ATP9B: variants seen among roughly 807,000 people sequenced by gnomAD.
ATP9B encodes ATPase phospholipid transporting 9B, also known as probable phospholipid-transporting ATPase IIB.
Under a neutral mutation model 146.1 loss-of-function variants are expected in ATP9B, and 110 were observed. The observed-to-expected ratio is 0.75, with a 90% CI of 0.65 to 0.88. ATP9B has a LOEUF of 0.88. Among genes scored for constraint, ATP9B ranks in the 40% least tolerant of loss-of-function variants. The pLI is 0.00. For missense variants in ATP9B, 1,499 were observed against 1,496.4 expected (o/e 1.00, Z -0.03); for synonymous variants, 604 against 569.7 (o/e 1.06, Z -0.86).
chr18:79,228,617 C>A (rs967740483), intron 11 of ATP9B, among the ~76,000 whole-genome samples: 1 of 152,144 alleles, frequency 6.6e-6, no homozygotes, highest in Non-Finnish European at 1.5e-5. Flanking sequence ...ATATTTTGCA[C>A]GTAGTAAATA....
At position 79,366,833 on chromosome 18, in the gene ATP9B, T is replaced by C. The variant is rs551375531; in HGVS notation, c.3013-5992T>C. ...GGGAAATACAAGATGAGCCTGAAAC[T>C]TCTTGTGGAGCAAAAAAGTAAGGAA... On this transcript the variant is annotated intron_variant, in intron 26 of 29. Coordinates refer to ENST00000426216, the MANE Select transcript of ATP9B (RefSeq NM_198531.5). Among the ~76,000 whole-genome samples, 7 of 152,322 alleles carry C rather than the reference T, an allele frequency of 4.6e-5. No individual in the cohort carries two copies. In the South Asian group the frequency reaches 1.5e-3, roughly 32 times the overall value.
intron 11 of ATP9B, among the ~76,000 whole-genome samples, chr18:79,227,883 G>C (rs1046011330): frequency 6.6e-6 from 1 of 152,224 alleles, no homozygotes; most frequent in African/African-American, 2.4e-5. Context: ...ACTGTGTTGA[G>C]AAAGCAGGAC....
intron 6 of ATP9B, among the ~76,000 whole-genome samples, chr18:79,154,129 ATT>A (rs35469027): frequency 3.2e-4 from 46 of 144,060 alleles, no homozygotes; most frequent in South Asian, 6.7e-4. Context: ...AATTTTTTGC[ATT>A]TTTTTTTTTT....
rs769155077 is a variant in ATP9B, at chr18:79,214,046, A to G, written c.1107+8A>G. 1 of 1,578,370 alleles carries G rather than the reference A, an allele frequency of 6.3e-7. No homozygotes were observed. The highest frequency in any genetic ancestry group is 1.2e-5 in the South Asian group (1 of 85,336). ...TCCAATCCAAAAAATAAGGTAGGCTAGATTGAGGAGCAACTGCTTTAATGA... is the reference window on the plus strand; with the variant it reads ...TCCAATCCAAAAAATAAGGTAGGCTGGATTGAGGAGCAACTGCTTTAATGA... On this transcript the variant is annotated splice_region_variant and intron_variant, in intron 11 of 29. Coordinates refer to ENST00000426216, the MANE Select transcript of ATP9B (RefSeq NM_198531.5).
chr18:79,359,894 C>T (rs2096977475), intron 26 of ATP9B: 1 of 186,444 alleles, frequency 5.4e-6, no homozygotes, highest in Admixed American at 5.3e-5. Flanking sequence ...TGCATGTTTC[C>T]TGTGTATTTC....
At chr18:79,092,281 A>G (rs1160889219) in intron 1 of ATP9B, among the ~76,000 whole-genome samples, 7 of 152,190 alleles carry the variant, frequency 4.6e-5, no homozygotes, top group Non-Finnish European at 1.0e-4. Context: ...CATCTAGCCT[A>G]TATGGTATAG....
chr18:79,173,608 G>T (rs2095113585), intron 7 of ATP9B: 1 of 435,596 alleles, frequency 2.3e-6, no homozygotes, highest in East Asian at 7.0e-5. Context: ...TTTTGTAAAT[G>T]CATCAAAAGT....
At chr18:79,075,178 G>A (rs903001044) in intron 1 of ATP9B, among the ~76,000 whole-genome samples, 2 of 151,762 alleles carry the variant, frequency 1.3e-5, no homozygotes, top group African/African-American at 2.4e-5. Context: ...CCAGGTTCAC[G>A]CCATTCTCCT....
chr18:79,281,364 G>A (rs2096374746), intron 13 of ATP9B, among the ~76,000 whole-genome samples: 3 of 151,918 alleles, frequency 2.0e-5, no homozygotes, highest in Admixed American at 2.0e-4. Context: ...AGGCATGGTG[G>A]TGCATGCCTG....
intron 23 of ATP9B, 64 bp from the exon 24 acceptor site, chr18:79,347,706 A>G: frequency 1.4e-6 from 2 of 1,470,820 alleles, no homozygotes; most frequent in African/African-American, 2.9e-5. Flanking sequence ...TCTAAAACTC[A>G]CTTTTGGAGT....
In ATP9B at chr18:79,342,902, C is replaced by T. The variant is rs192197770; in HGVS notation, c.2382+536C>T. ...CAAAATAGAAATGTGTTTTTAATCACTGCCATTTTCAGAGCAAGTGCTGCC... is the reference window on the plus strand; with the variant it reads ...CAAAATAGAAATGTGTTTTTAATCATTGCCATTTTCAGAGCAAGTGCTGCC... On this transcript the variant is annotated intron_variant, in intron 20 of 29. Transcript: ENST00000426216. 2.4e-4 allele frequency among the ~76,000 whole-genome samples: 37 copies of T among 152,294 alleles called. No homozygotes were observed. In the East Asian group the frequency reaches 6.6e-3, roughly 27 times the overall value.
At chr18:79,309,785 T>C (rs8088616) in intron 15 of ATP9B, among the ~76,000 whole-genome samples, 136,120 of 151,876 alleles carry the variant, frequency 0.9, 61,147 homozygotes, top group East Asian at 1. Flanking sequence ...ATGCTGAAAT[T>C]AATTCAATTG....
chr18:79,187,695 T>G (rs2095321434), intron 8 of ATP9B, among the ~76,000 whole-genome samples: 1 of 152,226 alleles, frequency 6.6e-6, no homozygotes, highest in African/African-American at 2.4e-5. Context: ...AGGACTGTGC[T>G]GCCCTGAGAA....
At chr18:79,126,405 GTTTGCTTACTGTAATTATCA>G (rs1568231509) in intron 5 of ATP9B, 30 bp downstream of exon 5, 1 of 1,458,682 alleles carries the variant, frequency 6.9e-7, no homozygotes, top group Non-Finnish European at 9.5e-7. Context: ...CCTGCTTAGC[GTTTGCTTACTGTAATTATCA>G]TTTTAGAGTT....
chr18:79,172,869 T>G (rs2095100538), intron 7 of ATP9B, among the ~76,000 whole-genome samples: 1 of 152,262 alleles, frequency 6.6e-6, no homozygotes, highest in Admixed American at 6.5e-5. Flanking sequence ...TTTGTGGACA[T>G]AAGTTTTTAT....
At chr18:79,179,107 G>A (rs1461061006) in intron 8 of ATP9B, among the ~76,000 whole-genome samples, 1 of 152,160 alleles carries the variant, frequency 6.6e-6, no homozygotes, top group Non-Finnish European at 1.5e-5. Context: ...TTTCACGTAA[G>A]TTGACAACAT....
rs771927860 is a variant in ATP9B at position 79,096,497 on chromosome 18, T to A, written c.141T>A (p.Ser47=). 2 of 1,614,080 alleles carry A rather than the reference T, an allele frequency of 1.2e-6. No individual in the cohort carries two copies. The highest frequency in any genetic ancestry group is 1.7e-6 in the Non-Finnish European group (2 of 1,179,970). The change falls in exon 2 of 30, where the codon TCT becomes TCA. Residue 47 remains serine (S), a synonymous_variant. Transcript: ENST00000426216. ...RHSRYQLEDE[S]AHLDEMPLMM... is the part of the protein sequence containing the mutation. ...CTAGGTACCAGCTGGAGGATGAGTC[T>A]GCGCATTTGGATGAAATGCCACTAA... is the stretch of plus-strand genomic sequence containing the variant.
chr18:79,376,214 C>CACAAAA lies in ATP9B; in HGVS notation c.3307+789_3307+790insCAAAAA. 304 of 866,896 alleles carry CACAAAA rather than the reference C, an allele frequency of 3.5e-4. 1 individual carries two copies. The highest frequency in any genetic ancestry group is 1.5e-3 in the South Asian group (27 of 17,620). 53.7% of individuals were successfully genotyped at this position (866,896 alleles called of 1,614,324 possible). A position where few individuals can be genotyped will look rare whatever the true frequency, so the allele number is the denominator to read the frequency against. On this transcript the variant is annotated intron_variant, in intron 29 of 29. Coordinates refer to ENST00000426216, the MANE Select transcript of ATP9B (RefSeq NM_198531.5). ...ACACACACACACACACACACACACA[C>CACAAAA]AAAACAAAACAAAAAAATGGCTAGC...
At position 79,307,172 on chromosome 18, in the gene ATP9B, G is replaced by T. The variant is rs113878267; in HGVS notation, c.1711G>T (p.Ala571Ser). 7 of 1,614,108 alleles carry T rather than the reference G, an allele frequency of 4.3e-6. No individual in the cohort carries two copies. Among genetic ancestry groups the T allele is most frequent in the South Asian group, 1.1e-5 (1 of 91,088 alleles). Residue 571 changes from alanine to serine, a missense_variant, in exon 15 of 30, where the codon GCA becomes TCA. Coordinates refer to ENST00000426216, the MANE Select transcript of ATP9B (RefSeq NM_198531.5). ...RAGVTEETEF[A>S]EADQDFSDEN... The stretch of plus-strand genomic sequence containing the variant: ...CGGCGTTACTGAGGAGACTGAGTTC[G>T]CAGAGGCTGACCAAGACTTCAGTGA...
Sources: allele counts gnomAD v4.1 joint callset (sites outside exome capture counted in the v4.1 genomes callset), GRCh38; gene constraint gnomAD v4.1.1; transcripts MANE v1.5; gene names NCBI Gene and HGNC (gene_info 2026-07-23, HGNC 2026-07-21).